The following TANC2 variants were observed in gnomAD, a reference collection of about 807,000 sequenced individuals.
TANC2 encodes protein TANC2.
A neutral mutation model predicts 210.5 loss-of-function variants in TANC2; 26 were observed. The ratio of observed to expected loss-of-function variants is 0.12; its 90% CI spans 0.09 to 0.17. TANC2 has a LOEUF of 0.17. TANC2 is among the 10% of genes least tolerant of loss of function. The probability of loss-of-function intolerance (pLI) is 1.00; values close to 1 mark genes in which losing one functional copy is unlikely to be tolerated. For missense variants in TANC2, 2,129 were observed against 2,608.9 expected, an observed-to-expected ratio of 0.82 and a Z score of 4.01; for synonymous variants, 931 against 967.1, an observed-to-expected ratio of 0.96 and a Z score of 0.69.
rs547925869 is a variant in TANC2, at chr17:63,177,530, G to C, written c.434-16461G>C. Among the ~76,000 whole-genome samples the C allele has an allele frequency of 2.6e-5, 4 of 152,148 alleles. No individual in the cohort carries two copies. The South Asian group carries it at 6.2e-4, about 24-fold the overall frequency. On this transcript the variant is annotated intron_variant, in intron 5 of 27. Transcript: ENST00000689528. Reference sequence around the variant, plus strand: ...TGCTAATTAAGTTATGGTTGTATTTGAGTCAAATACCTAAAAATTAAATGC... The same window carrying C: ...TGCTAATTAAGTTATGGTTGTATTTCAGTCAAATACCTAAAAATTAAATGC...
chr17:63,169,508 C>T (rs2040327383), intron 5 of TANC2, among the ~76,000 whole-genome samples: 1 of 152,126 alleles, frequency 6.6e-6, no homozygotes, highest in South Asian at 2.1e-4. Context: ...TCATCACCAT[C>T]ATGTCAGTTC....
At chr17:63,352,862 C>T (rs957443086) in intron 13 of TANC2, among the ~76,000 whole-genome samples, 4 of 151,904 alleles carry the variant, frequency 2.6e-5, no homozygotes, top group African/African-American at 9.7e-5. Context: ...TCAAAATGAA[C>T]AAGACAGGCA....
chr17:63,381,558 C>G (rs1280527162), intron 15 of TANC2: 1 of 152,194 alleles, frequency 6.6e-6, no homozygotes, highest in African/African-American at 2.4e-5. Flanking sequence ...AACTTCTATT[C>G]AGCAGTGACA....
chr17:63,090,639 G>T (rs2037150918), intron 3 of TANC2, among the ~76,000 whole-genome samples: 1 of 152,144 alleles, frequency 6.6e-6, no homozygotes, highest in Non-Finnish European at 1.5e-5. Context: ...CCAAGTCTTT[G>T]CTATTGTGAA....
intron 11 of TANC2, chr17:63,332,401 T>C: frequency 3.1e-6 from 1 of 318,178 alleles, no homozygotes; most frequent in Admixed American, 4.2e-5. Context: ...ACAACAGGCA[T>C]ATATTCACAG....
chr17:63,374,027 T>TG (rs2047349332), intron 14 of TANC2, among the ~76,000 whole-genome samples: 1 of 140,620 alleles, frequency 7.1e-6, no homozygotes, highest in African/African-American at 2.8e-5. Flanking sequence ...TTTCAGTTGT[T>TG]GTTGGTTTTT....
chr17:63,419,510 G>A (rs921180562), intron 27 of TANC2, among the ~76,000 whole-genome samples: 2 of 152,230 alleles, frequency 1.3e-5, no homozygotes, highest in Admixed American at 6.5e-5. Flanking sequence ...GGGTTAGAAA[G>A]GGCAGAGGAC....
chr17:63,192,284 G>T (rs1222934984), intron 5 of TANC2, among the ~76,000 whole-genome samples: 1 of 152,178 alleles, frequency 6.6e-6, no homozygotes, highest in African/African-American at 2.4e-5. Flanking sequence ...AGATGAAAAG[G>T]ACCTGGTGTG....
Position 63,361,004 on chromosome 17 carries a change from C to T in TANC2, c.2582+5614C>T, listed in dbSNP as rs149561805. Among the ~76,000 whole-genome samples the T allele has an allele frequency of 2.9e-3, 449 of 152,302 alleles. 3 individuals are homozygous for T. Among genetic ancestry groups the T allele is most frequent in the African/African-American group, 9.6e-3 (400 of 41,558 alleles). ...TCTTTTTTATGGCTGAATAATACTC[C>T]GTTGTGTATATGCACCACATTTTGT... On this transcript the variant is annotated intron_variant, in intron 14 of 27. Transcript: ENST00000689528.
At chr17:63,320,401 T>G (rs751397682) in intron 11 of TANC2, 8 of 152,200 alleles carry the variant, frequency 5.3e-5, no homozygotes, top group Non-Finnish European at 8.8e-5. Context: ...TCCTGGGAGT[T>G]CCTGTCCCTC....
rs1424043982 is a variant in TANC2, at chr17:63,277,667, T to A, written c.1159+9794T>A. ...CTTAAGAAAAGCTAAAAAAAAAAAATTTAAAGAATAGACACTGCCAGATGG... is the reference window on the plus strand; with the variant it reads ...CTTAAGAAAAGCTAAAAAAAAAAAAATTAAAGAATAGACACTGCCAGATGG... On this transcript the variant is annotated intron_variant, in intron 9 of 27. Coordinates refer to ENST00000689528, the Ensembl canonical transcript of TANC2. Among the ~76,000 whole-genome samples the A allele has an allele frequency of 4.6e-5, 7 of 151,382 alleles. No individual in the cohort carries two copies. The East Asian group carries it at 1.4e-3, about 29-fold the overall frequency.
At chr17:63,166,117 C>T (rs2040202345) in intron 5 of TANC2, among the ~76,000 whole-genome samples, 1 of 152,150 alleles carries the variant, frequency 6.6e-6, no homozygotes, top group Non-Finnish European at 1.5e-5. Flanking sequence ...ATACTTTCCA[C>T]CTCTGTATAT....
intron 2 of TANC2, among the ~76,000 whole-genome samples, chr17:63,030,744 A>G (rs1377300927): frequency 6.6e-6 from 1 of 152,088 alleles, no homozygotes; most frequent in Non-Finnish European, 1.5e-5. Context: ...AAATACCTAA[A>G]ATAAAGTCAG....
chr17:63,317,515 A>G (rs2045353994), intron 10 of TANC2, among the ~76,000 whole-genome samples: 1 of 152,216 alleles, frequency 6.6e-6, no homozygotes, highest in Admixed American at 6.5e-5. Flanking sequence ...TGTATAATTC[A>G]GGATTATTAC....
chr17:63,319,093 A>G lies in TANC2; in HGVS notation c.1575+3A>G, dbSNP rs765105019. 5 of 1,610,614 alleles carry G rather than the reference A, an allele frequency of 3.1e-6. No individual in the cohort carries two copies. In the Admixed American group the frequency reaches 5.0e-5, roughly 16 times the overall value. Reference sequence around the variant, plus strand: ...CTATGCGAAGACTAGCCTCGCAGGTACAATATGATTCCCACGTTGGGGATA... The same window carrying G: ...CTATGCGAAGACTAGCCTCGCAGGTGCAATATGATTCCCACGTTGGGGATA... On this transcript the variant is annotated splice_donor_region_variant and intron_variant, in intron 11 of 27. Transcript: ENST00000689528.
chr17:63,240,087 A>G (rs1337468401), intron 8 of TANC2, among the ~76,000 whole-genome samples: 1 of 152,244 alleles, frequency 6.6e-6, no homozygotes, highest in Non-Finnish European at 1.5e-5. Context: ...AAACCATATC[A>G]ACTGTACATT....
At chr17:63,171,615 A>G (rs577209415) in intron 5 of TANC2, among the ~76,000 whole-genome samples, 1 of 152,214 alleles carries the variant, frequency 6.6e-6, no homozygotes, top group South Asian at 2.1e-4. Context: ...TTTAAAATAC[A>G]GTCTAGATTT....
At chr17:63,057,411 T>C (rs1025793691) in intron 2 of TANC2, among the ~76,000 whole-genome samples, 3 of 152,212 alleles carry the variant, frequency 2.0e-5, no homozygotes, top group Non-Finnish European at 4.4e-5. Context: ...TTTAGGACTT[T>C]ATAATTTTTT....
chr17:63,355,556 G>A (rs1275307804), intron 14 of TANC2, among the ~76,000 whole-genome samples, 166 bp downstream of exon 14: 2 of 152,106 alleles, frequency 1.3e-5, no homozygotes, highest in Admixed American at 6.5e-5. Context: ...CTAATTTATT[G>A]TTTTACAATG....
Sources: allele counts gnomAD v4.1 joint callset (sites outside exome capture counted in the v4.1 genomes callset), GRCh38; gene constraint gnomAD v4.1.1; transcripts MANE v1.5; gene names NCBI Gene and HGNC (gene_info 2026-07-23, HGNC 2026-07-21).